ZNF786: variants seen among roughly 807,000 people sequenced by gnomAD.
ZNF786 encodes the protein zinc finger protein 786.
A neutral mutation model predicts 63.1 loss-of-function variants in ZNF786; 56 were observed. The observed-to-expected ratio is 0.89, with a 90% CI of 0.72 to 1.11. The LOEUF (loss-of-function observed/expected upper bound fraction) is 1.11. Among genes scored for constraint, ZNF786 ranks in the 50% least tolerant of loss-of-function variants. The probability of loss-of-function intolerance (pLI) is 0.00; values close to 1 mark genes in which losing one functional copy is unlikely to be tolerated. For synonymous variants in ZNF786, 485 were observed against 406.9 expected (o/e 1.19, Z -2.31); for missense variants, 1,213 against 1,041.8 (o/e 1.16, Z -2.26).
At position 149,071,785 on chromosome 7, in the gene ZNF786, G is replaced by A. The variant is rs749127001; in HGVS notation, c.987C>T (p.Gly329=). 3.2e-6 allele frequency: 5 copies of A among 1,581,756 alleles called. No homozygotes were observed. In the Admixed American group the frequency reaches 6.8e-5, roughly 22 times the overall value. ...AGTGCACACTGCTGGAGGCCCCGCGGCCTTCTCTCCAAGAGGCCGGCCCCT... is the reference window on the plus strand; with the variant it reads ...AGTGCACACTGCTGGAGGCCCCGCGACCTTCTCTCCAAGAGGCCGGCCCCT... ...SREGPASWRE[G]RGASSSVHSG... The change falls in exon 4 of 4, where the codon GGC becomes GGT. Residue 329 remains glycine (G), a synonymous_variant. Transcript: ENST00000491431.
In ZNF786 at chr7:149,071,716, G is replaced by A. The variant is rs1825422853; in HGVS notation, c.1056C>T (p.Ser352=). The change falls in exon 4 of 4, where the codon AGC becomes AGT. Residue 352 remains serine (S), a synonymous_variant. Transcript: ENST00000491431. ...PGSRLPQEGN[S]HQEGDTEALQ... ...GCGCCTCCGTGTCCCCTTCCTGGTG[G>A]CTGTTCCCCTCCTGGGGCAGGCGCG... 2 of 1,581,778 alleles carry A rather than the reference G, an allele frequency of 1.3e-6. No homozygotes were observed. Among genetic ancestry groups the A allele is most frequent in the Non-Finnish European group, 1.7e-6 (2 of 1,171,890 alleles).
chr7:149,074,367 C>T lies in ZNF786; in HGVS notation c.298+19G>A, dbSNP rs1469945911. ...AACATGATGTCTCAAGGTCGGGGCC[C>T]TGATTTCTTAATACTCACCCCAAAA... On this transcript the variant is annotated intron_variant, in intron 3 of 3. Coordinates refer to ENST00000491431, the MANE Select transcript of ZNF786 (RefSeq NM_152411.4). 6.2e-7 allele frequency: 1 copy of T among 1,612,328 alleles called. No individual in the cohort carries two copies.
intron 1 of ZNF786, among the ~76,000 whole-genome samples, chr7:149,089,031 G>A (rs931807483): frequency 6.8e-6 from 1 of 147,534 alleles, no homozygotes; most frequent in Admixed American, 6.9e-5. Flanking sequence ...ATCTCGGCTC[G>A]CTGCAAGCTC....
rs1165713050 is a variant in ZNF786, at chr7:149,075,655, GTTTTTTTTTTTTTTT to G, written c.146-1132_146-1118del. Among the ~76,000 whole-genome samples, 201 of 69,476 alleles carry G rather than the reference GTTTTTTTTTTTTTTT, an allele frequency of 2.9e-3. 2 individuals carry two copies. Among genetic ancestry groups the G allele is most frequent in the African/African-American group, 0.011 (193 of 16,890 alleles). The allele number at this position is 69,476 out of a possible 152,430, so 45.6% of individuals were successfully genotyped here. On this transcript the variant is annotated intron_variant, in intron 2 of 3. Coordinates refer to ENST00000491431, the MANE Select transcript of ZNF786 (RefSeq NM_152411.4). ...ATCCTACTGTGCTGACACACTTCAG[GTTTTTTTTTTTTTTT>G]TTTTTTTTTTTTTGATAGAGTCTCA...
rs1278222075 is a variant in ZNF786, at chr7:149,071,891, T to G, written c.881A>C (p.Lys294Thr). The G allele has an allele frequency of 6.2e-7, 1 of 1,603,858 alleles. No individual in the cohort carries two copies. Among genetic ancestry groups the G allele is most frequent in the East Asian group, 2.2e-5 (1 of 44,748 alleles). ...PSHRLPQQGE[K>T]PAQCTPCGKR... ...GCCGCATGGGGTGCACTGGGCAGGCTTCTCCCCCTGCTGCGGGAGGCGGTG... is the reference window on the plus strand; with the variant it reads ...GCCGCATGGGGTGCACTGGGCAGGCGTCTCCCCCTGCTGCGGGAGGCGGTG... The change falls in exon 4 of 4, where the codon AAG (lysine) becomes ACG (threonine). Residue 294 changes from lysine (K) to threonine (T), a missense_variant. Transcript: ENST00000491431.
chr7:149,070,933 G>A lies in ZNF786; in HGVS notation c.1839C>T (p.Arg613=). ...GGAAGGGCCTCTCTCCCGTGTGCAGGCGCTGATGGCTGAGCAGCTGCCCCT... is the reference window on the plus strand; with the variant it reads ...GGAAGGGCCTCTCTCCCGTGTGCAGACGCTGATGGCTGAGCAGCTGCCCCT... ...RLKGQLLSHQ[R]LHTGERPFQC... Residue 613 remains arginine (R), a synonymous_variant, in exon 4 of 4, where the codon CGC becomes CGT. Transcript: ENST00000491431. The A allele has an allele frequency of 1.2e-6, 2 of 1,613,034 alleles. No individual in the cohort carries two copies. Among genetic ancestry groups the A allele is most frequent in the Non-Finnish European group, 1.7e-6 (2 of 1,179,826 alleles).
At position 149,071,326 on chromosome 7, in the gene ZNF786, C is replaced by A. The variant is rs765172914; in HGVS notation, c.1446G>T (p.Gln482His). The A allele has an allele frequency of 6.2e-7, 1 of 1,613,392 alleles. No homozygotes were observed. The highest frequency in any genetic ancestry group is 1.1e-5 in the South Asian group (1 of 91,080). Reference sequence around the variant, plus strand: ...GGAAGCTCAGCCCACACTCTGGGCACTGAAAGGGCTTCTCGTCCGTGTGCA... The same window carrying A: ...GGAAGCTCAGCCCACACTCTGGGCAATGAAAGGGCTTCTCGTCCGTGTGCA... ...QRLHTDEKPF[Q>H]CPECGLSFRL... The change falls in exon 4 of 4, where the codon CAG (glutamine) becomes CAT (histidine). Residue 482 changes from glutamine (Q) to histidine (H), a missense_variant. Physicochemically the swap from Gln to His is conservative, Grantham distance 24. Transcript: ENST00000491431.
intron 2 of ZNF786, among the ~76,000 whole-genome samples, chr7:149,075,367 T>C (rs114783526): frequency 0.011 from 1,661 of 152,032 alleles, 29 homozygotes; most frequent in African/African-American, 0.038. Flanking sequence ...CTCAGCCTCC[T>C]GAGTAGCTGG....
At position 149,071,514 on chromosome 7, in the gene ZNF786, C is replaced by A. The variant is rs1825416093; in HGVS notation, c.1258G>T (p.Gly420Cys). The A allele has an allele frequency of 6.2e-7, 1 of 1,610,944 alleles. No homozygotes were observed. The highest frequency in any genetic ancestry group is 8.5e-7 in the Non-Finnish European group (1 of 1,179,122). Reference protein sequence around the residue: ...RLLQVHQHAHGGERPFSCRKC... With the variant: ...RLLQVHQHAHCGERPFSCRKC... Reference sequence around the variant, plus strand: ...CTGCAGGAGAACGGTCTCTCCCCACCGTGCGCGTGCTGGTGGACCTGCAGC... The same window carrying A: ...CTGCAGGAGAACGGTCTCTCCCCACAGTGCGCGTGCTGGTGGACCTGCAGC... Residue 420 changes from glycine to cysteine, a missense_variant, in exon 4 of 4, where the codon GGT (glycine) becomes TGT (cysteine). Coordinates refer to ENST00000491431, the MANE Select transcript of ZNF786 (RefSeq NM_152411.4).
rs377409705 is a variant in ZNF786, at chr7:149,089,990, C to G, written c.18+633G>C. On this transcript the variant is annotated intron_variant, in intron 1 of 3. Coordinates refer to ENST00000491431, the MANE Select transcript of ZNF786 (RefSeq NM_152411.4). ...TCGGCCTCCCAAAGTGCTGGGATTA[C>G]AGGCGTGAGCCACCGCGCCCGGCCT... Among the ~76,000 whole-genome samples the G allele has an allele frequency of 2.6e-5, 4 of 152,188 alleles. No homozygotes were observed. The East Asian group carries it at 5.8e-4, about 22-fold the overall frequency.
chr7:149,073,747 G>GTATA (rs57987134), intron 3 of ZNF786, among the ~76,000 whole-genome samples: 1,599 of 77,410 alleles, frequency 0.021, 44 homozygotes, highest in Non-Finnish European at 0.031. Context: ...GTGTGTGTGT[G>GTATA]TATATATATA....
At chr7:149,082,421 A>C in intron 1 of ZNF786, 1 of 388,104 alleles carries the variant, frequency 2.6e-6, no homozygotes, top group Non-Finnish European at 3.5e-6. Flanking sequence ...AGATAAATGG[A>C]TACTTCCTGA....
At chr7:149,090,386 G>A (rs1825811201) in intron 1 of ZNF786, among the ~76,000 whole-genome samples, 1 of 152,030 alleles carries the variant, frequency 6.6e-6, no homozygotes, top group South Asian at 2.1e-4. Context: ...CTCCTAGGTC[G>A]GCCTCGGTCC....
At chr7:149,085,124 GCTCT>G (rs1357568128) in intron 1 of ZNF786, among the ~76,000 whole-genome samples, 2 of 152,012 alleles carry the variant, frequency 1.3e-5, no homozygotes, top group Non-Finnish European at 2.9e-5. Context: ...TTATTTCTGG[GCTCT>G]CTATTCTGTT....
Position 149,071,575 on chromosome 7 carries a change from A to G in ZNF786, c.1197T>C (p.Cys399=), listed in dbSNP as rs1435036699. ...GGCGGAAGCGCTTGGTGCAATGCGC[A>G]CACTGGAAGGGCTTTTCTCCAGTAT... ...RAHTGEKPFQ[C]AHCTKRFRLR... is the part of the protein sequence containing the mutation. Residue 399 remains cysteine (C), a synonymous_variant, in exon 4 of 4, where the codon TGT becomes TGC. Coordinates refer to ENST00000491431, the MANE Select transcript of ZNF786 (RefSeq NM_152411.4). 6.2e-7 allele frequency: 1 copy of G among 1,611,588 alleles called. No homozygotes were observed. Among genetic ancestry groups the G allele is most frequent in the Non-Finnish European group, 8.5e-7 (1 of 1,179,416 alleles).
At chr7:149,083,657 C>T (rs1008399022) in intron 1 of ZNF786, among the ~76,000 whole-genome samples, 3 of 152,094 alleles carry the variant, frequency 2.0e-5, no homozygotes, top group Admixed American at 6.6e-5. Flanking sequence ...GCATAGTACC[C>T]GATAAGGAAT....
chr7:149,071,709 C>T lies in ZNF786; in HGVS notation c.1063G>A (p.Glu355Lys), dbSNP rs1484145768. Residue 355 changes from glutamate (E) to lysine (K), a missense_variant, in exon 4 of 4, where the codon GAA becomes AAA. Glu to Lys is a moderately conservative substitution (Grantham distance 56, BLOSUM62 1). Coordinates refer to ENST00000491431, the MANE Select transcript of ZNF786 (RefSeq NM_152411.4). ...RLPQEGNSHQEGDTEALQHGA... is the reference protein window; with the variant it reads ...RLPQEGNSHQKGDTEALQHGA... ...TGCTGCAGCGCCTCCGTGTCCCCTTCCTGGTGGCTGTTCCCCTCCTGGGGC... is the reference window on the plus strand; with the variant it reads ...TGCTGCAGCGCCTCCGTGTCCCCTTTCTGGTGGCTGTTCCCCTCCTGGGGC... 6.3e-7 allele frequency: 1 copy of T among 1,579,732 alleles called. No homozygotes were observed. Among genetic ancestry groups the T allele is most frequent in the Non-Finnish European group, 8.5e-7 (1 of 1,170,730 alleles).
intron 1 of ZNF786, among the ~76,000 whole-genome samples, chr7:149,086,148 G>A (rs975451389): frequency 5.3e-5 from 8 of 152,146 alleles, no homozygotes; most frequent in Non-Finnish European, 7.4e-5. Context: ...TTAGAGTTGA[G>A]TTTTAAAAAC....
intron 1 of ZNF786, chr7:149,082,633 T>C (rs1251041993): frequency 4.5e-6 from 1 of 221,352 alleles, no homozygotes; most frequent in Non-Finnish European, 7.6e-6. Flanking sequence ...CAGGCTGGAG[T>C]GCAGTGGCGT....
Sources: allele counts gnomAD v4.1 joint callset (sites outside exome capture counted in the v4.1 genomes callset), GRCh38; gene constraint gnomAD v4.1.1; transcripts MANE v1.5; gene names NCBI Gene and HGNC (gene_info 2026-07-23, HGNC 2026-07-21).